The following TMEM132C variants were observed in gnomAD, a reference collection of about 807,000 sequenced individuals.
The protein encoded by TMEM132C is protein phosphatase 1, regulatory subunit 152.
TMEM132C carries 29 observed loss-of-function variants against 61.4 expected under a neutral mutation model. That is an observed-to-expected ratio of 0.47 (90% CI 0.35 to 0.64). TMEM132C has a LOEUF of 0.64. Among genes scored for constraint, TMEM132C ranks in the 30% least tolerant of loss-of-function variants. The pLI is 0.00. For missense variants in TMEM132C, 1,408 were observed against 1,476.9 expected (o/e 0.95, Z 0.76); for synonymous variants, 656 against 633.1 (o/e 1.04, Z -0.54).
chr12:128,478,362 CA>C (rs1156827506), intron 2 of TMEM132C, among the ~76,000 whole-genome samples: 1 of 152,130 alleles, frequency 6.6e-6, no homozygotes, highest in Non-Finnish European at 1.5e-5. Context: ...GGCAAACTAG[CA>C]AAGGCTCACT....
intron 6 of TMEM132C, among the ~76,000 whole-genome samples, 191 bp from the exon 7 acceptor site, chr12:128,695,639 A>T (rs963952962): frequency 2.0e-5 from 3 of 152,230 alleles, no homozygotes; most frequent in Non-Finnish European, 4.4e-5. Context: ...TTTATTTTTC[A>T]ATAAATGTAT....
intron 4 of TMEM132C, among the ~76,000 whole-genome samples, chr12:128,626,212 C>A (rs541476915): frequency 6.9e-6 from 1 of 145,506 alleles, no homozygotes; most frequent in Non-Finnish European, 1.5e-5. Context: ...CTGCAACCTT[C>A]GCCTCCCAGG....
chr12:128,354,154 G>T (rs1873426383), intron 1 of TMEM132C, among the ~76,000 whole-genome samples: 1 of 151,904 alleles, frequency 6.6e-6, no homozygotes. Flanking sequence ...CATTTATTTG[G>T]CTCAGAAAGA....
chr12:128,403,809 T>G (rs1031066120), intron 1 of TMEM132C, among the ~76,000 whole-genome samples: 1 of 152,198 alleles, frequency 6.6e-6, no homozygotes, highest in Non-Finnish European at 1.5e-5. Flanking sequence ...TGTGATACAT[T>G]TCTTCTTTCT....
intron 1 of TMEM132C, among the ~76,000 whole-genome samples, chr12:128,344,909 T>G (rs932043041): frequency 1.0e-4 from 15 of 150,598 alleles, no homozygotes; most frequent in Non-Finnish European, 2.1e-4. Flanking sequence ...CTTTCCTTCC[T>G]AAAAAAGATG....
chr12:128,377,731 G>A (rs975331363), intron 1 of TMEM132C, among the ~76,000 whole-genome samples: 2 of 152,162 alleles, frequency 1.3e-5, no homozygotes, highest in Admixed American at 6.5e-5. Context: ...CGTCCTCTCC[G>A]CTGCCCAGCT....
chr12:128,267,365 G>A lies in TMEM132C; in HGVS notation c.-38G>A. The stretch of plus-strand genomic sequence containing the variant: ...GGGCCGCGGGCGGGCGCTGCGCTTC[G>A]GGCTGGCGGCGGGCTGCGTGAGCGG... On this transcript the variant is annotated 5_prime_UTR_variant, in exon 1 of 9. Coordinates refer to ENST00000435159, the MANE Select transcript of TMEM132C (RefSeq NM_001136103.3). 2 of 1,030,784 alleles carry A rather than the reference G, an allele frequency of 1.9e-6. No homozygotes were observed. The highest frequency in any genetic ancestry group is 2.3e-6 in the Non-Finnish European group (2 of 860,382). 63.9% of individuals were successfully genotyped at this position (1,030,784 alleles called of 1,614,324 possible).
intron 3 of TMEM132C, among the ~76,000 whole-genome samples, chr12:128,552,569 A>G (rs1024668845): frequency 6.6e-6 from 1 of 152,256 alleles, no homozygotes; most frequent in Non-Finnish European, 1.5e-5. Context: ...GAAAATGCCT[A>G]TCAGTTGCAC....
chr12:128,702,352 TTTATTATGAAATGTA>T (rs1432069517), intron 8 of TMEM132C, among the ~76,000 whole-genome samples: 12 of 152,164 alleles, frequency 7.9e-5, no homozygotes, highest in East Asian at 1.9e-4. Flanking sequence ...ATGAAATTTA[TTTATTATGAAATGTA>T]TTATTATGAA....
At position 128,705,281 on chromosome 12, in the gene TMEM132C, G is replaced by C. The variant is rs966100976; in HGVS notation, c.2313G>C (p.Val771=). 2 of 1,551,454 alleles carry C rather than the reference G, an allele frequency of 1.3e-6. No homozygotes were observed. Among genetic ancestry groups the C allele is most frequent in the African/African-American group, 2.7e-5 (2 of 73,066 alleles). ...AAGGCCAGGGCCCACTGATCCGAGT[G>C]GACATGACGATCGCCGAGGCCTGCC... The part of the protein sequence containing the change: ...EGEGQGPLIR[V]DMTIAEACQK... Residue 771 remains valine, a synonymous_variant, in exon 9 of 9, where the codon GTG becomes GTC. Transcript: ENST00000435159.
intron 6 of TMEM132C, 129 bp from the exon 7 acceptor site, chr12:128,695,701 C>T: frequency 1.0e-6 from 1 of 965,732 alleles, no homozygotes; most frequent in Non-Finnish European, 1.5e-6. Context: ...GGCTTGGTGC[C>T]CCTTGCATGG....
chr12:128,694,672 C>A (rs2135653615), intron 6 of TMEM132C, among the ~76,000 whole-genome samples: 1 of 152,270 alleles, frequency 6.6e-6, no homozygotes. Context: ...CCCCCAGGCA[C>A]CAGGGCCTTT....
intron 1 of TMEM132C, among the ~76,000 whole-genome samples, chr12:128,277,316 C>G: frequency 6.6e-6 from 1 of 152,180 alleles, no homozygotes. Context: ...TTCTGTTTCT[C>G]CCAATCTCTT....
intron 4 of TMEM132C, among the ~76,000 whole-genome samples, chr12:128,622,360 A>AAAAAAAATATATAT (rs1277080166): frequency 2.3e-4 from 7 of 30,116 alleles, no homozygotes; most frequent in Admixed American, 9.1e-4. Context: ...AAAAAAAAAA[A>AAAAAAAATATATAT]ATATATATAT....
chr12:128,589,039 G>A (rs35327598), intron 3 of TMEM132C, among the ~76,000 whole-genome samples: 57,349 of 151,980 alleles, frequency 0.38, 11,808 homozygotes, highest in South Asian at 0.55. Flanking sequence ...GACAGTCAGC[G>A]AGCCTGAAAG....
intron 1 of TMEM132C, among the ~76,000 whole-genome samples, chr12:128,351,026 C>T (rs1873321470): frequency 6.6e-6 from 1 of 152,124 alleles, no homozygotes; most frequent in Non-Finnish European, 1.5e-5. Flanking sequence ...GAGTCTCTTA[C>T]TCCATAAAAT....
chr12:128,491,556 C>G (rs7312559), intron 2 of TMEM132C, among the ~76,000 whole-genome samples: 62,357 of 151,924 alleles, frequency 0.41, 13,191 homozygotes, highest in East Asian at 0.57. Context: ...TGCAAGCACA[C>G]GAGAAACTTT....
chr12:128,538,796 T>G (rs1873632045), intron 2 of TMEM132C, among the ~76,000 whole-genome samples: 1 of 152,148 alleles, frequency 6.6e-6, no homozygotes, highest in Non-Finnish European at 1.5e-5. Flanking sequence ...CTCCCCCACA[T>G]AAGTGCCTCC....
At chr12:128,373,714 G>C (rs998595694) in intron 1 of TMEM132C, among the ~76,000 whole-genome samples, 1 of 152,186 alleles carries the variant, frequency 6.6e-6, no homozygotes, top group African/African-American at 2.4e-5. Context: ...GATTCCTTTG[G>C]GGGATGGGGA....
Sources: gnomAD v4.1 joint callset for allele counts (sites outside exome capture counted in the v4.1 genomes callset) on GRCh38, gnomAD v4.1.1 for gene constraint, MANE v1.5 for transcripts, NCBI Gene and HGNC (gene_info 2026-07-23, HGNC 2026-07-21) for gene names.